UGGT2: variants seen among roughly 807,000 people sequenced by gnomAD.
UGGT2 encodes the protein UDP-glucose:glycoprotein glucosyltransferase 2.
UGGT2 carries 180 observed loss-of-function variants against 192.1 expected under a neutral mutation model. The ratio of observed to expected loss-of-function variants is 0.94; its 90% confidence interval spans 0.83 to 1.06. The LOEUF is 1.06. Ranked by LOEUF, UGGT2 falls within the 50% of genes least tolerant of loss-of-function variation. The pLI, the probability that UGGT2 is intolerant of heterozygous loss-of-function variation, is 0.00. For missense variants in UGGT2, 1,849 were observed against 1,795.7 expected, an observed-to-expected ratio of 1.03 and a Z score of -0.54; for synonymous variants, 580 against 591.0, an observed-to-expected ratio of 0.98 and a Z score of 0.27.
At chr13:95,958,134 C>T (rs944174147) in intron 12 of UGGT2, among the ~76,000 whole-genome samples, 5 of 151,924 alleles carry the variant, frequency 3.3e-5, no homozygotes, top group Non-Finnish European at 4.4e-5. Flanking sequence ...TGCTATAGTC[C>T]TTTGGCTCTG....
At position 96,016,736 on chromosome 13, in the gene UGGT2, G is replaced by A. The variant is rs149235519; in HGVS notation, c.486-3255C>T. Among the ~76,000 whole-genome samples, 22 of 152,328 alleles carry A rather than the reference G, an allele frequency of 1.4e-4. No individual in the cohort carries two copies. The East Asian group carries it at 2.3e-3, about 16-fold the overall frequency. On this transcript the variant is annotated intron_variant, in intron 4 of 38. Transcript: ENST00000376747. ...CATAGAGGAAATGTGGGGTTGGAAC[G>A]CCCACACAGAGTCCCCACCTGGATA... is the stretch of plus-strand genomic sequence containing the variant.
chr13:95,830,467 G>A (rs1282469658), intron 38 of UGGT2, among the ~76,000 whole-genome samples: 1 of 152,092 alleles, frequency 6.6e-6, no homozygotes, highest in Non-Finnish European at 1.5e-5. Context: ...AAAAGTGGGT[G>A]AAGGATATGA....
At chr13:96,036,166 A>G (rs149085948) in intron 1 of UGGT2, among the ~76,000 whole-genome samples, 1 of 152,382 alleles carries the variant, frequency 6.6e-6, no homozygotes, top group African/African-American at 2.4e-5. Flanking sequence ...ATCCCCATCA[A>G]TGATAGACTG....
In UGGT2 at chr13:96,027,706, G is replaced by T. The variant is rs180873380; in HGVS notation, c.242-3947C>A. On this transcript the variant is annotated intron_variant, in intron 2 of 38. Coordinates refer to ENST00000376747, the MANE Select transcript of UGGT2 (RefSeq NM_020121.4). ...TTGGAGACTGGGTTATTTGCTGATT[G>T]TGACAATTTGACAAGAAACTCAGAA... 7.9e-4 allele frequency among the ~76,000 whole-genome samples: 120 copies of T among 152,266 alleles called. 1 individual carries two copies. In the East Asian group the frequency reaches 0.02, roughly 26 times the overall value.
intron 20 of UGGT2, among the ~76,000 whole-genome samples, chr13:95,915,513 TA>T (rs2048654553): frequency 6.6e-6 from 1 of 152,216 alleles, no homozygotes; most frequent in African/African-American, 2.4e-5. Flanking sequence ...ACTTAGACAG[TA>T]AATGAATAAT....
intron 12 of UGGT2, among the ~76,000 whole-genome samples, chr13:95,958,149 G>A (rs1454431391): frequency 6.6e-6 from 1 of 151,910 alleles, no homozygotes; most frequent in African/African-American, 2.4e-5. Context: ...GCTCTGAGAA[G>A]GCAGAATTTT....
intron 12 of UGGT2, among the ~76,000 whole-genome samples, chr13:95,961,019 T>C (rs1179870572): frequency 6.6e-6 from 1 of 152,180 alleles, no homozygotes; most frequent in East Asian, 1.9e-4. Context: ...AGACCAGCCC[T>C]GCAAGAAATG....
chr13:95,838,006 G>GA (rs1306609929), intron 36 of UGGT2, among the ~76,000 whole-genome samples: 1 of 151,998 alleles, frequency 6.6e-6, no homozygotes, highest in Non-Finnish European at 1.5e-5. Flanking sequence ...ATTGGGAAGG[G>GA]AAAAAAACCT....
intron 5 of UGGT2, among the ~76,000 whole-genome samples, chr13:95,999,759 T>C (rs1407967106): frequency 7.7e-6 from 1 of 129,158 alleles, no homozygotes; most frequent in Non-Finnish European, 1.8e-5. Context: ...CACTGGAAAG[T>C]AGTGGCAAAG....
At chr13:95,838,388 T>C (rs1436550361) in intron 36 of UGGT2, among the ~76,000 whole-genome samples, 1 of 152,190 alleles carries the variant, frequency 6.6e-6, no homozygotes, top group African/African-American at 2.4e-5. Flanking sequence ...GATTTATCTA[T>C]AGACTTAACA....
intron 10 of UGGT2, chr13:95,983,464 G>A (rs1293254737): frequency 4.1e-5 from 17 of 411,248 alleles, no homozygotes; most frequent in Non-Finnish European, 7.5e-5. Context: ...CGTTCCAGTG[G>A]TCTAACACTG....
chr13:96,013,532 A>C, intron 4 of UGGT2, 51 bp from the exon 5 acceptor site: 1 of 1,296,906 alleles, frequency 7.7e-7, no homozygotes, highest in Non-Finnish European at 1.0e-6. Context: ...AGTTAATGGC[A>C]TATCAATTCT....
intron 22 of UGGT2, among the ~76,000 whole-genome samples, chr13:95,900,157 AT>A (rs1043390524): frequency 1.3e-5 from 2 of 152,152 alleles, no homozygotes; most frequent in Admixed American, 1.3e-4. Flanking sequence ...TCAGAAAAAC[AT>A]TTATATTAAC....
chr13:96,047,370 G>C (rs996122103), intron 1 of UGGT2, among the ~76,000 whole-genome samples: 37 of 152,186 alleles, frequency 2.4e-4, no homozygotes, highest in African/African-American at 8.4e-4. Context: ...GTCTGGAGTG[G>C]ACCTCCAGCA....
intron 15 of UGGT2, among the ~76,000 whole-genome samples, chr13:95,941,902 T>C (rs562359712): frequency 4.6e-5 from 7 of 152,226 alleles, no homozygotes; most frequent in Non-Finnish European, 1.0e-4. Context: ...AGCATTGTTT[T>C]GAATTTGCAT....
chr13:95,894,661 G>A lies in UGGT2; in HGVS notation c.2760-4C>T. On this transcript the variant is annotated splice_region_variant and splice_polypyrimidine_tract_variant and intron_variant, in intron 23 of 38. Coordinates refer to ENST00000376747, the MANE Select transcript of UGGT2 (RefSeq NM_020121.4). The stretch of plus-strand genomic sequence containing the variant: ...TTTCATAATAAAGTCACTCATGCTA[G>A]ATAAACAAGACAAACAGTGTATGAG... The A allele has an allele frequency of 1.2e-6, 2 of 1,608,444 alleles. No individual in the cohort carries two copies. Among genetic ancestry groups the A allele is most frequent in the East Asian group, 2.2e-5 (1 of 44,740 alleles).
chr13:95,992,645 C>T (rs2051493899), intron 7 of UGGT2, among the ~76,000 whole-genome samples: 1 of 152,210 alleles, frequency 6.6e-6, no homozygotes, highest in East Asian at 1.9e-4. Flanking sequence ...CACAAGAAAA[C>T]ATATAAGCAG....
chr13:95,903,466 G>A (rs1407207431), intron 20 of UGGT2, among the ~76,000 whole-genome samples: 3 of 152,108 alleles, frequency 2.0e-5, no homozygotes, highest in Admixed American at 1.3e-4. Context: ...CTTTTCTAAA[G>A]ACAACCACTC....
At chr13:95,849,490 C>A (rs1888803762) in intron 36 of UGGT2, among the ~76,000 whole-genome samples, 1 of 150,398 alleles carries the variant, frequency 6.6e-6, no homozygotes, top group South Asian at 2.1e-4. Context: ...TTGCAGTGAG[C>A]CAAGATAGTG....
Sources: allele counts gnomAD v4.1 joint callset (sites outside exome capture counted in the v4.1 genomes callset), GRCh38; gene constraint gnomAD v4.1.1; transcripts MANE v1.5; gene names NCBI Gene and HGNC (gene_info 2026-07-23, HGNC 2026-07-21).